The following ANO6 variants were observed in gnomAD, a reference collection of about 807,000 sequenced individuals.
ANO6 encodes the protein anoctamin 6.
Under a neutral mutation model 117.5 loss-of-function variants are expected in ANO6, and 106 were observed. That is an observed-to-expected ratio of 0.90 (90% CI 0.77 to 1.06). ANO6 has a LOEUF of 1.06. Ranked by LOEUF, ANO6 falls within the 50% of genes least tolerant of loss-of-function variation. The pLI is 0.00. For synonymous variants in ANO6, 367 were observed against 385.1 expected, an observed-to-expected ratio of 0.95 and a Z score of 0.55; for missense variants, 955 against 1,121.1, an observed-to-expected ratio of 0.85 and a Z score of 2.12.
chr12:45,267,635 A>G (rs1251030088), intron 1 of ANO6, among the ~76,000 whole-genome samples: 1 of 152,034 alleles, frequency 6.6e-6, no homozygotes, highest in Non-Finnish European at 1.5e-5. Flanking sequence ...TACTAAAAAT[A>G]TAAAAATTAG....
At chr12:45,402,852 G>C (rs1008910449) in intron 13 of ANO6, among the ~76,000 whole-genome samples, 1 of 152,156 alleles carries the variant, frequency 6.6e-6, no homozygotes, top group Non-Finnish European at 1.5e-5. Flanking sequence ...GAACATGTGG[G>C]CTATTGTATT....
rs189188945 is a variant in ANO6 at position 45,405,049 on chromosome 12, C to T, written c.1880+1513C>T. On this transcript the variant is annotated intron_variant, in intron 15 of 19. Transcript: ENST00000320560. ...TCTCTAAACAAAGATCTCTCTCCTT[C>T]CTCTTCCCCCACCCAGAAAGGGATT... Among the ~76,000 whole-genome samples, 457 of 152,240 alleles carry T rather than the reference C, an allele frequency of 3.0e-3. 5 individuals are homozygous for T. The highest frequency in any genetic ancestry group is 5.2e-3 in the Non-Finnish European group (355 of 68,012).
intron 16 of ANO6, among the ~76,000 whole-genome samples, chr12:45,413,240 C>A (rs540644815): frequency 4.2e-4 from 64 of 152,196 alleles, no homozygotes; most frequent in African/African-American, 1.5e-3. Context: ...AGCAGGTAAC[C>A]CAGACAACAA....
intron 7 of ANO6, among the ~76,000 whole-genome samples, chr12:45,352,494 A>T (rs1941303369): frequency 6.6e-6 from 1 of 151,116 alleles, no homozygotes; most frequent in Non-Finnish European, 1.5e-5. Flanking sequence ...TAGGAAGCCA[A>T]GGCAGGATGA....
rs558908263 is a variant in ANO6, at chr12:45,334,999, T to C, written c.279+3576T>C. 1.7e-3 allele frequency among the ~76,000 whole-genome samples: 255 copies of C among 152,046 alleles called. 2 individuals carry two copies. Among genetic ancestry groups the C allele is most frequent in the African/African-American group, 5.9e-3 (243 of 41,508 alleles). On this transcript the variant is annotated intron_variant, in intron 3 of 19. Coordinates refer to ENST00000320560, the MANE Select transcript of ANO6 (RefSeq NM_001025356.3). ...GGTACAATTCAGATGAGGGTGAAGA[T>C]GGGGAAGAGGTCTAGGTAGTACAAA...
chr12:45,244,659 C>T (rs1040914479), intron 1 of ANO6, among the ~76,000 whole-genome samples: 5 of 152,108 alleles, frequency 3.3e-5, no homozygotes, highest in Non-Finnish European at 7.4e-5. Context: ...CCGTAGAAAT[C>T]CTAGCTGACA....
At chr12:45,432,599 C>G (rs995084823), downstream of ANO6, among the ~76,000 whole-genome samples, 1 of 152,286 alleles carries the variant, frequency 6.6e-6, no homozygotes, top group South Asian at 2.1e-4. Flanking sequence ...GCAAATTTTA[C>G]CACTTTTTAC....
At chr12:45,323,545 A>G (rs762631384) in intron 2 of ANO6, among the ~76,000 whole-genome samples, 1 of 152,246 alleles carries the variant, frequency 6.6e-6, no homozygotes, top group Non-Finnish European at 1.5e-5. Flanking sequence ...GAAAGCTCAC[A>G]TTTATTGAGC....
At chr12:45,405,925 A>AT (rs1942922977) in intron 15 of ANO6, among the ~76,000 whole-genome samples, 1 of 152,180 alleles carries the variant, frequency 6.6e-6, no homozygotes, top group African/African-American at 2.4e-5. Context: ...AAAAAAAGAT[A>AT]TATCAGTTAT....
intron 1 of ANO6, among the ~76,000 whole-genome samples, chr12:45,300,258 G>A (rs968313828): frequency 1.3e-5 from 2 of 152,170 alleles, no homozygotes; most frequent in African/African-American, 4.8e-5. Context: ...CACAGTCACT[G>A]TAGCCTCAAC....
At chr12:45,292,388 G>A (rs1939131214) in intron 1 of ANO6, among the ~76,000 whole-genome samples, 1 of 152,148 alleles carries the variant, frequency 6.6e-6, no homozygotes, top group Non-Finnish European at 1.5e-5. Context: ...TGGAAATAGT[G>A]GTGATGGCTG....
At chr12:45,413,772 G>A (rs1378728655) in intron 16 of ANO6, among the ~76,000 whole-genome samples, 5 of 150,952 alleles carry the variant, frequency 3.3e-5, no homozygotes, top group South Asian at 2.1e-4. Flanking sequence ...TACAGAGGGG[G>A]AAGAAAGGAA....
chr12:45,350,223 C>T (rs561208295), intron 6 of ANO6, among the ~76,000 whole-genome samples: 2 of 152,270 alleles, frequency 1.3e-5, no homozygotes, highest in African/African-American at 4.8e-5. Context: ...GGCAAAGAAG[C>T]CTAGGTTTTA....
Position 45,437,923 on chromosome 12 carries a change from T to C in ANO6, c.2527-1752T>C, listed in dbSNP as rs150575388. Among the ~76,000 whole-genome samples the C allele has an allele frequency of 3.0e-4, 45 of 152,288 alleles. No individual in the cohort carries two copies. The East Asian group carries it at 7.3e-3, about 25-fold the overall frequency. ...TGAGAACCACTGCTTTATAAAAATTTGGACCAGAGCTAATCATAGCATTTA... is the reference window on the plus strand; with the variant it reads ...TGAGAACCACTGCTTTATAAAAATTCGGACCAGAGCTAATCATAGCATTTA... On this transcript the variant is annotated intron_variant, in intron 19 of 19. Transcript: ENST00000425752.
chr12:45,297,344 GT>G (rs1939328622), intron 1 of ANO6, among the ~76,000 whole-genome samples: 1 of 152,262 alleles, frequency 6.6e-6, no homozygotes, highest in East Asian at 1.9e-4. Context: ...GGTATTTGGG[GT>G]TTTAACCAAG....
chr12:45,260,528 C>T (rs1175203142), intron 1 of ANO6, among the ~76,000 whole-genome samples: 3 of 152,130 alleles, frequency 2.0e-5, no homozygotes, highest in African/African-American at 7.2e-5. Flanking sequence ...GTTTCAGGGG[C>T]ACTGCACACC....
intron 9 of ANO6, among the ~76,000 whole-genome samples, chr12:45,373,190 A>T (rs1395023840): frequency 1.3e-5 from 2 of 152,238 alleles, no homozygotes; most frequent in Non-Finnish European, 2.9e-5. Context: ...CACCCAGTAC[A>T]GGAGCACCCA....
chr12:45,227,956 T>A (rs1408610659), intron 1 of ANO6, among the ~76,000 whole-genome samples: 2 of 152,146 alleles, frequency 1.3e-5, no homozygotes, highest in Non-Finnish European at 1.5e-5. Flanking sequence ...CAATATTCTG[T>A]TGATGCCAAG....
intron 3 of ANO6, among the ~76,000 whole-genome samples, chr12:45,346,584 C>T (rs554233815): frequency 1.3e-5 from 2 of 152,192 alleles, no homozygotes; most frequent in African/African-American, 4.8e-5. Context: ...AGTAATTGAA[C>T]CATTTGAATG....
Sources: gnomAD v4.1 joint callset for allele counts (sites outside exome capture counted in the v4.1 genomes callset) on GRCh38, gnomAD v4.1.1 for gene constraint, MANE v1.5 for transcripts, NCBI Gene and HGNC (gene_info 2026-07-23, HGNC 2026-07-21) for gene names.